Variants in PRKN observed in about 807,000 individuals in gnomAD.
PRKN encodes E3 ubiquitin-protein ligase parkin.
In PRKN, 56 loss-of-function variants were observed where a neutral mutation model predicts 59.5. The observed-to-expected ratio is 0.94, with a 90% CI of 0.76 to 1.18. The LOEUF (loss-of-function observed/expected upper bound fraction) is 1.18, where lower values mean the gene tolerates loss of function less well. PRKN is among the 50% of genes most tolerant of loss of function. The pLI is 0.00. For missense variants in PRKN, 657 were observed against 596.4 expected (o/e 1.10, Z -1.06); for synonymous variants, 250 against 222.1 (o/e 1.13, Z -1.12).
At chr6:162,065,259 G>A (rs1239420356) in intron 4 of PRKN, among the ~76,000 whole-genome samples, 2 of 152,158 alleles carry the variant, frequency 1.3e-5, no homozygotes, top group Non-Finnish European at 2.9e-5. Flanking sequence ...GAGAGCCCCT[G>A]GCAAACCACT....
intron 5 of PRKN, among the ~76,000 whole-genome samples, chr6:161,980,419 G>A (rs1424182820): frequency 1.3e-5 from 2 of 152,176 alleles, no homozygotes; most frequent in Non-Finnish European, 2.9e-5. Flanking sequence ...TATTTGCATG[G>A]CTCAGGGTAT....
At position 161,518,321 on chromosome 6, in the gene PRKN, C is replaced by T. The variant is rs911850465; in HGVS notation, c.1083+30533G>A. 6.6e-6 allele frequency among the ~76,000 whole-genome samples: 1 copy of T among 152,230 alleles called. No homozygotes were observed. The highest frequency in any genetic ancestry group is 1.9e-4 in the East Asian group (1 of 5,182). ...AAGATGAGAGGACTTCACAAAGCTG[C>T]CCACTGCCACTGAGCAAACAGAATG... On this transcript the variant is annotated intron_variant, in intron 9 of 11. Transcript: ENST00000366898. The surrounding 1 kb of genome is among the most constrained non-coding windows in gnomAD (Gnocchi z 5.0).
intron 2 of PRKN, among the ~76,000 whole-genome samples, chr6:162,293,733 G>C (rs891193652): frequency 1.3e-5 from 2 of 152,224 alleles, no homozygotes; most frequent in African/African-American, 4.8e-5. Flanking sequence ...CTCCAGGGCT[G>C]TGGGAAAGAC....
At chr6:161,818,869 C>T (rs1463079754) in intron 6 of PRKN, among the ~76,000 whole-genome samples, 1 of 152,066 alleles carries the variant, frequency 6.6e-6, no homozygotes, top group East Asian at 1.9e-4. Flanking sequence ...TAGGGAAGGT[C>T]AAGCCCTGTA....
intron 1 of PRKN, among the ~76,000 whole-genome samples, chr6:162,491,819 A>G (rs1266591091): frequency 1.3e-5 from 2 of 152,210 alleles, no homozygotes; most frequent in Non-Finnish European, 2.9e-5. Context: ...CCATGTCTTG[A>G]TAACATGCCA....
At chr6:161,528,600 G>A (rs1046326981) in intron 9 of PRKN, among the ~76,000 whole-genome samples, 45 of 152,118 alleles carry the variant, frequency 3.0e-4, no homozygotes, top group Admixed American at 2.8e-3. Context: ...CATATAACAC[G>A]CAACTGACTC....
At chr6:162,434,702 T>C (rs1334149386) in intron 2 of PRKN, among the ~76,000 whole-genome samples, 1 of 152,182 alleles carries the variant, frequency 6.6e-6, no homozygotes, top group East Asian at 1.9e-4. Flanking sequence ...CTGGAATAAA[T>C]ATTTACTAAT....
intron 7 of PRKN, among the ~76,000 whole-genome samples, chr6:161,765,577 T>C (rs552672685): frequency 6.6e-5 from 10 of 152,290 alleles, no homozygotes; most frequent in African/African-American, 2.4e-4. Flanking sequence ...GATATGATGA[T>C]AGCTACAGAA....
At chr6:162,470,906 G>A (rs574431712) in intron 1 of PRKN, among the ~76,000 whole-genome samples, 6 of 151,370 alleles carry the variant, frequency 4.0e-5, no homozygotes, top group East Asian at 3.9e-4. Flanking sequence ...ACAGGTGTGC[G>A]CCACCATGCC....
chr6:161,725,970 C>A (rs1184292339), intron 7 of PRKN, among the ~76,000 whole-genome samples: 1 of 152,156 alleles, frequency 6.6e-6, no homozygotes, highest in Non-Finnish European at 1.5e-5. Context: ...ATATGTCCCA[C>A]ATTTATTTCA....
chr6:162,596,056 T>G (rs924534458), intron 1 of PRKN, among the ~76,000 whole-genome samples: 1 of 151,910 alleles, frequency 6.6e-6, no homozygotes, highest in South Asian at 2.1e-4. Context: ...CTTGTAATAA[T>G]AAGACTGTAA....
chr6:161,794,657 CCT>C lies in PRKN; in HGVS notation c.735-8751_735-8750del, dbSNP rs1372842361. On this transcript the variant is annotated intron_variant, in intron 6 of 11. Transcript: ENST00000366898. ...TTTCCCTCTTTCCCATTCACGAATC[CCT>C]CTGTTTCTCTCAAGTCAGTCTCTTT... 5.3e-5 allele frequency among the ~76,000 whole-genome samples: 8 copies of C among 152,136 alleles called. No individual in the cohort carries two copies. The East Asian group carries it at 1.5e-3, about 29-fold the overall frequency.
At chr6:162,626,506 A>T (rs76404909) in intron 1 of PRKN, among the ~76,000 whole-genome samples, 10,184 of 151,734 alleles carry the variant, frequency 0.067, 416 homozygotes, top group Middle Eastern at 0.12. Flanking sequence ...TATAATATTT[A>T]AAAAAACTAT....
intron 1 of PRKN, among the ~76,000 whole-genome samples, chr6:162,488,051 T>G (rs1279134614): frequency 6.6e-6 from 1 of 150,654 alleles, no homozygotes; most frequent in Non-Finnish European, 1.5e-5. Context: ...TTTTTTTTTT[T>G]TGGCGGAGGG....
intron 9 of PRKN, among the ~76,000 whole-genome samples, chr6:161,406,661 C>T (rs747139124): frequency 1.3e-5 from 2 of 152,122 alleles, no homozygotes; most frequent in Non-Finnish European, 2.9e-5. Flanking sequence ...AACAAAAACT[C>T]CTTTGGCCCC....
intron 1 of PRKN, among the ~76,000 whole-genome samples, chr6:162,618,994 A>G (rs906384664): frequency 3.3e-5 from 5 of 152,218 alleles, no homozygotes; most frequent in Admixed American, 3.3e-4. Context: ...CCTAGATTTT[A>G]GTATACCAAT....
At position 161,473,375 on chromosome 6, in the gene PRKN, TATAA is replaced by T. The variant is rs201636551; in HGVS notation, c.1083+75475_1083+75478del. Among the ~76,000 whole-genome samples, 1,464 of 150,672 alleles carry T rather than the reference TATAA, an allele frequency of 9.7e-3. 18 individuals are homozygous for T. Among genetic ancestry groups the T allele is most frequent in the Middle Eastern group, 0.025 (7 of 284 alleles). On this transcript the variant is annotated intron_variant, in intron 9 of 11. Coordinates refer to ENST00000366898, the MANE Select transcript of PRKN (RefSeq NM_004562.3). The surrounding 1 kb of genome is among the most constrained non-coding windows in gnomAD (Gnocchi z 4.1). The stretch of plus-strand genomic sequence containing the variant: ...AAATTTATTTATATACATATATATA[TATAA>T]AATGGAATATTATCAAGCCTTAAAA...
At chr6:162,579,170 A>G (rs1397959414) in intron 1 of PRKN, among the ~76,000 whole-genome samples, 3 of 152,084 alleles carry the variant, frequency 2.0e-5, no homozygotes, top group African/African-American at 4.8e-5. Context: ...CTCTCCTCCA[A>G]TCCTGCGACT....
chr6:161,644,784 G>A (rs6914754), intron 7 of PRKN, among the ~76,000 whole-genome samples: 41,283 of 152,202 alleles, frequency 0.27, 5,865 homozygotes, highest in Non-Finnish European at 0.32. Context: ...AGACAGCTTC[G>A]AGACGTCATT....
Sources: allele counts gnomAD v4.1 joint callset (sites outside exome capture counted in the v4.1 genomes callset), GRCh38; gene constraint gnomAD v4.1.1; non-coding constraint Gnocchi (gnomAD v3.1); transcripts MANE v1.5; gene names NCBI Gene and HGNC (gene_info 2026-07-23, HGNC 2026-07-21).